ZNF891: variants seen among roughly 807,000 people sequenced by gnomAD.
The protein encoded by ZNF891 is hCG1646157.
For synonymous variants in ZNF891, 199 were observed against 209.0 expected (o/e 0.95, Z 0.41); for missense variants, 589 against 632.7 (o/e 0.93, Z 0.74).
rs992527408 is a variant in ZNF891, at chr12:133,111,756, C to G, written c.*8528G>C. ...ATTAGCCATGAATTTCCTGTTTATG[C>G]TAAAACAAATCTCATTGTCTTTTAA... is the stretch of plus-strand genomic sequence containing the variant. On this transcript the variant is annotated 3_prime_UTR_variant, in exon 2 of 2. Coordinates refer to ENST00000537226, the MANE Select transcript of ZNF891 (RefSeq NM_001277291.2). 2.0e-5 allele frequency: 3 copies of G among 151,876 alleles called. No individual in the cohort carries two copies. Among genetic ancestry groups the G allele is most frequent in the African/African-American group, 7.3e-5 (3 of 41,324 alleles). The allele number at this position is 151,876 out of a possible 1,614,324, so 9.4% of individuals were successfully genotyped here.
intron 1 of ZNF891, among the ~76,000 whole-genome samples, chr12:133,129,502 C>CAAAAA (rs35653414): frequency 7.5e-5 from 7 of 92,748 alleles, no homozygotes; most frequent in African/African-American, 2.8e-4. Context: ...AACTCTGTCT[C>CAAAAA]AAAAAAAAAA....
intron 1 of ZNF891, among the ~76,000 whole-genome samples, 175 bp downstream of exon 1, chr12:133,130,052 C>T (rs1042829241): frequency 2.0e-5 from 3 of 152,110 alleles, no homozygotes; most frequent in Admixed American, 2.0e-4. Context: ...TCCACTCGCA[C>T]CCGGTAAGTA....
intron 1 of ZNF891, among the ~76,000 whole-genome samples, chr12:133,124,907 T>C (rs767482765): frequency 1.1e-4 from 17 of 150,874 alleles, no homozygotes; most frequent in Non-Finnish European, 2.2e-4. Flanking sequence ...CAGAGGGGTG[T>C]AGGAGTAAAA....
chr12:133,128,574 C>T (rs1203697921), intron 1 of ZNF891, among the ~76,000 whole-genome samples: 1 of 152,170 alleles, frequency 6.6e-6, no homozygotes, highest in East Asian at 1.9e-4. Flanking sequence ...GTGGAAGTTG[C>T]AGTGAGCAGA....
chr12:133,109,405 G>C lies in ZNF891; in HGVS notation c.*10879C>G, dbSNP rs779728723. 1 of 152,182 alleles carries C rather than the reference G, an allele frequency of 6.6e-6. No homozygotes were observed. Among genetic ancestry groups the C allele is most frequent in the Non-Finnish European group, 1.5e-5 (1 of 68,044 alleles). 9.4% of individuals were successfully genotyped at this position (152,182 alleles called of 1,614,324 possible). A position where few individuals can be genotyped will look rare whatever the true frequency, so the allele number is the denominator to read the frequency against. On this transcript the variant is annotated 3_prime_UTR_variant, in exon 2 of 2. Coordinates refer to ENST00000537226, the MANE Select transcript of ZNF891 (RefSeq NM_001277291.2). ...AATGAGAATTTTAACCATATAGGTG[G>C]CAATGGCTAAATGATCATAGGGTTC...
rs1361288449 is a variant in ZNF891 at position 133,113,182 on chromosome 12, A to AC, written c.*7101dup. ...AAAATGAAAAGAATCTATGTGTCCA[A>AC]CAACAGCCTAAGCAAATTATTTACT... On this transcript the variant is annotated 3_prime_UTR_variant, in exon 2 of 2. Transcript: ENST00000537226. 1 of 151,062 alleles carries AC rather than the reference A, an allele frequency of 6.6e-6. No individual in the cohort carries two copies. Among genetic ancestry groups the AC allele is most frequent in the African/African-American group, 2.4e-5 (1 of 41,312 alleles). 9.4% of individuals were successfully genotyped at this position (151,062 alleles called of 1,614,324 possible). A position where few individuals can be genotyped will look rare whatever the true frequency, so the allele number is the denominator to read the frequency against.
chr12:133,106,842 C>T lies in ZNF891; in HGVS notation c.*13442G>A, dbSNP rs1955618429. The T allele has an allele frequency of 4.3e-6, 2 of 461,638 alleles. No homozygotes were observed. The highest frequency in any genetic ancestry group is 4.8e-5 in the South Asian group (1 of 20,828). 28.6% of individuals were successfully genotyped at this position (461,638 alleles called of 1,614,324 possible). A position where few individuals can be genotyped will look rare whatever the true frequency, so the allele number is the denominator to read the frequency against. On this transcript the variant is annotated 3_prime_UTR_variant, in exon 2 of 2. Transcript: ENST00000537226. ...TATGTGGAAAAGCCATTAATAACCACTCTTTTATTTTTTTGCAATAACAAG... is the reference window on the plus strand; with the variant it reads ...TATGTGGAAAAGCCATTAATAACCATTCTTTTATTTTTTTGCAATAACAAG...
Position 133,121,157 on chromosome 12 carries a change from T to C in ZNF891, c.762A>G (p.Leu254=), listed in dbSNP as rs773421376. 14 of 1,535,376 alleles carry C rather than the reference T, an allele frequency of 9.1e-6. No homozygotes were observed. Among genetic ancestry groups the C allele is most frequent in the East Asian group, 2.4e-5 (1 of 40,890 alleles). The change falls in exon 2 of 2, where the codon CTA becomes CTG. Residue 254 remains leucine (L), a synonymous_variant. Transcript: ENST00000537226. ...CTGTTTGATTTCTCTGAAAATGCCA[T>C]AGAGTTGTATCACATTCATGACTTT... is the stretch of plus-strand genomic sequence containing the variant. The part of the protein sequence containing the change: ...LYESHECDTT[L]WHFQRNQTVQ...
chr12:133,127,174 C>T (rs1955826409), intron 1 of ZNF891, among the ~76,000 whole-genome samples: 1 of 151,900 alleles, frequency 6.6e-6, no homozygotes, highest in Non-Finnish European at 1.5e-5. Flanking sequence ...ACCATCTTGG[C>T]CAGCCTGGTC....
In ZNF891 at chr12:133,109,585, T is replaced by G. The variant is rs1042434973; in HGVS notation, c.*10699A>C. The G allele has an allele frequency of 6.6e-6, 1 of 152,206 alleles. No individual in the cohort carries two copies. The highest frequency in any genetic ancestry group is 2.4e-5 in the African/African-American group (1 of 41,450). 9.4% of individuals were successfully genotyped at this position (152,206 alleles called of 1,614,324 possible). A position where few individuals can be genotyped will look rare whatever the true frequency, so the allele number is the denominator to read the frequency against. ...TGCAGTGGGGGACGGGGGGCTCATATGTACACTGTGAAAAACTGCTAACCT... is the reference window on the plus strand; with the variant it reads ...TGCAGTGGGGGACGGGGGGCTCATAGGTACACTGTGAAAAACTGCTAACCT... On this transcript the variant is annotated 3_prime_UTR_variant, in exon 2 of 2. Coordinates refer to ENST00000537226, the MANE Select transcript of ZNF891 (RefSeq NM_001277291.2).
chr12:133,120,347 G>T lies in ZNF891; in HGVS notation c.1572C>A (p.Ala524=). The change falls in exon 2 of 2, where the codon GCC becomes GCA. Residue 524 remains alanine (A), a synonymous_variant. Transcript: ENST00000537226. ...TAATAAGTGAAGAGCTCTGACTGAAGGCTTTTCCACATTGAATACATTCAT... is the reference window on the plus strand; with the variant it reads ...TAATAAGTGAAGAGCTCTGACTGAATGCTTTTCCACATTGAATACATTCAT... ...KPYECIQCGK[A]FSQSSSLIIH... 6.3e-7 allele frequency: 1 copy of T among 1,579,094 alleles called. No homozygotes were observed. The highest frequency in any genetic ancestry group is 2.3e-5 in the East Asian group (1 of 43,166).
At position 133,112,327 on chromosome 12, in the gene ZNF891, CTTTT is replaced by C. The variant is rs112022222; in HGVS notation, c.*7953_*7956del. 6.8e-6 allele frequency: 1 copy of C among 147,256 alleles called. No homozygotes were observed. The allele number at this position is 147,256 out of a possible 1,614,324, so 9.1% of individuals were successfully genotyped here. Reference sequence around the variant, plus strand: ...AATGTTATTTTCTCATGGAGACCTTCTTTTTTTTTTTTGAGACACAGTCTTGCTC... The same window carrying C: ...AATGTTATTTTCTCATGGAGACCTTCTTTTTTTTGAGACACAGTCTTGCTC... On this transcript the variant is annotated 3_prime_UTR_variant, in exon 2 of 2. Coordinates refer to ENST00000537226, the MANE Select transcript of ZNF891 (RefSeq NM_001277291.2).
intron 1 of ZNF891, among the ~76,000 whole-genome samples, chr12:133,129,544 T>A (rs1053283317): frequency 6.8e-6 from 1 of 146,846 alleles, no homozygotes; most frequent in Admixed American, 6.8e-5. Context: ...GTTAAATGCG[T>A]ACTAAATATT....
chr12:133,125,753 C>G, intron 1 of ZNF891: 1 of 444,154 alleles, frequency 2.3e-6, no homozygotes, highest in Non-Finnish European at 4.4e-6. Context: ...GAAGGTAACA[C>G]ACTTGTGCTC....
Position 133,106,655 on chromosome 12 carries a change from T to A in ZNF891, c.*13629A>T. ...ATTCCTTACTGAACACCAGTGAATT[T>A]ACACTGCAAAGAAAAACTATGAATG... On this transcript the variant is annotated 3_prime_UTR_variant, in exon 2 of 2. Coordinates refer to ENST00000537226, the MANE Select transcript of ZNF891 (RefSeq NM_001277291.2). The A allele has an allele frequency of 6.4e-7, 1 of 1,559,698 alleles. No individual in the cohort carries two copies. The highest frequency in any genetic ancestry group is 2.2e-5 in the East Asian group (1 of 44,538).
Position 133,114,704 on chromosome 12 carries a change from G to A in ZNF891, c.*5580C>T, listed in dbSNP as rs1209295650. 6.6e-6 allele frequency: 1 copy of A among 152,230 alleles called. No individual in the cohort carries two copies. The highest frequency in any genetic ancestry group is 2.4e-5 in the African/African-American group (1 of 41,444). 9.4% of individuals were successfully genotyped at this position (152,230 alleles called of 1,614,324 possible). A position where few individuals can be genotyped will look rare whatever the true frequency, so the allele number is the denominator to read the frequency against. On this transcript the variant is annotated 3_prime_UTR_variant, in exon 2 of 2. Transcript: ENST00000537226. ...TGAAAGTGTGACAAGTATTGTTAAA[G>A]CAGATGAAGGACACAATACCTAAAG...
At chr12:133,124,615 C>G (rs1298557915) in intron 1 of ZNF891, among the ~76,000 whole-genome samples, 2 of 151,468 alleles carry the variant, frequency 1.3e-5, no homozygotes, top group African/African-American at 2.4e-5. Context: ...ATCAATTATA[C>G]TGACTACAGA....
In ZNF891 at chr12:133,121,187, G is replaced by C; in HGVS notation, c.732C>G (p.Leu244=). The change falls in exon 2 of 2, where the codon CTC becomes CTG. Residue 244 remains leucine, a synonymous_variant. Transcript: ENST00000537226. ...NYVKNSISEK[L]YESHECDTTL... ...TTGTATCACATTCATGACTTTCATA[G>C]AGCTTCTCACTTATAGAGTTTTTCA... The C allele has an allele frequency of 6.5e-6, 10 of 1,535,452 alleles. No individual in the cohort carries two copies. Among genetic ancestry groups the C allele is most frequent in the Non-Finnish European group, 8.7e-6 (10 of 1,146,812 alleles).
chr12:133,122,594 C>T (rs1227174136), intron 1 of ZNF891, among the ~76,000 whole-genome samples: 10 of 152,074 alleles, frequency 6.6e-5, no homozygotes, highest in Admixed American at 4.6e-4. Flanking sequence ...TGGGGCCTGT[C>T]GGGTGAGGGC....
Sources: gnomAD v4.1 joint callset for allele counts (sites outside exome capture counted in the v4.1 genomes callset) on GRCh38, gnomAD v4.1.1 for gene constraint, MANE v1.5 for transcripts, NCBI Gene and HGNC (gene_info 2026-07-23, HGNC 2026-07-21) for gene names.